Variants in TAFA5 observed in about 807,000 individuals in gnomAD.
TAFA5 encodes chemokine-like protein TAFA-5.
TAFA5 carries 6 observed loss-of-function variants against 15.3 expected under a neutral mutation model. That is an observed-to-expected ratio of 0.39 (90% CI 0.21 to 0.77). TAFA5 has a LOEUF of 0.77. TAFA5 is among the 30% of genes least tolerant of loss of function. The pLI is 0.41. For missense variants in TAFA5, 161 were observed against 193.1 expected, an observed-to-expected ratio of 0.83 and a Z score of 0.98; for synonymous variants, 103 against 80.7, an observed-to-expected ratio of 1.28 and a Z score of -1.48.
At chr22:48,507,506 C>G (rs1232755346) in intron 1 of TAFA5, among the ~76,000 whole-genome samples, 1 of 152,214 alleles carries the variant, frequency 6.6e-6, no homozygotes, top group Non-Finnish European at 1.5e-5. Context: ...AGGAGCAGCC[C>G]TGAGGAATCT....
intron 3 of TAFA5, among the ~76,000 whole-genome samples, chr22:48,729,232 T>TATTTTATATTTATTTATAAATATATAATA (rs1442875635): frequency 0.035 from 4,167 of 118,574 alleles, 441 homozygotes; most frequent in East Asian, 0.23. Context: ...GGAACTAAAA[T>TATTTTATATTTATTTATAAATATATAATA]ATTTTATATT....
intron 1 of TAFA5, chr22:48,539,552 G>C: frequency 2.2e-6 from 1 of 459,432 alleles, no homozygotes; most frequent in South Asian, 1.6e-5. Flanking sequence ...CCCACTTTCT[G>C]TATTTTTTTA....
At chr22:48,691,546 G>A (rs560196390) in intron 2 of TAFA5, among the ~76,000 whole-genome samples, 3 of 152,350 alleles carry the variant, frequency 2.0e-5, no homozygotes, top group South Asian at 2.1e-4. Context: ...CGCGAGGAAC[G>A]CAGCCTGGAG....
At chr22:48,614,902 G>T (rs924155996) in intron 1 of TAFA5, among the ~76,000 whole-genome samples, 10 of 152,234 alleles carry the variant, frequency 6.6e-5, no homozygotes, top group African/African-American at 2.4e-4. Flanking sequence ...CGGGCATGGG[G>T]TCAGCAGAGC....
At chr22:48,586,222 G>T (rs549986992) in intron 1 of TAFA5, among the ~76,000 whole-genome samples, 1 of 152,276 alleles carries the variant, frequency 6.6e-6, no homozygotes, top group African/African-American at 2.4e-5. Context: ...GTGCAGCCAC[G>T]TGGCTCTCTT....
chr22:48,559,591 G>A (rs753478613), intron 1 of TAFA5, among the ~76,000 whole-genome samples: 5 of 152,126 alleles, frequency 3.3e-5, no homozygotes, highest in Non-Finnish European at 7.3e-5. Flanking sequence ...CCCTGTCACT[G>A]CAGCCGTCAC....
chr22:48,675,754 T>C (rs1927952099), intron 2 of TAFA5, among the ~76,000 whole-genome samples: 1 of 152,264 alleles, frequency 6.6e-6, no homozygotes, highest in Non-Finnish European at 1.5e-5. Context: ...GGCTGAGGCC[T>C]GAGGCCTCCT....
chr22:48,573,722 T>A (rs1245184428), intron 1 of TAFA5, among the ~76,000 whole-genome samples: 1 of 152,236 alleles, frequency 6.6e-6, no homozygotes, highest in African/African-American at 2.4e-5. Flanking sequence ...CCTCTATTTA[T>A]GAACTTTCTT....
intron 1 of TAFA5, among the ~76,000 whole-genome samples, chr22:48,627,373 C>T (rs905536254): frequency 6.6e-6 from 1 of 152,204 alleles, no homozygotes; most frequent in African/African-American, 2.4e-5. Flanking sequence ...GCGGGGGAGG[C>T]AGCCCCACAG....
At chr22:48,616,637 G>A (rs539288006) in intron 1 of TAFA5, among the ~76,000 whole-genome samples, 4 of 151,192 alleles carry the variant, frequency 2.6e-5, no homozygotes, top group South Asian at 2.1e-4. Flanking sequence ...CGCTGAGGCC[G>A]GATGGGCTGC....
intron 1 of TAFA5, among the ~76,000 whole-genome samples, chr22:48,572,022 C>A (rs553784069): frequency 3.9e-5 from 6 of 152,218 alleles, no homozygotes; most frequent in African/African-American, 1.4e-4. Flanking sequence ...CCTTGGGAGC[C>A]TGGTTTTCTC....
At chr22:48,747,923 C>T (rs889457510) in intron 3 of TAFA5, among the ~76,000 whole-genome samples, 10 of 148,968 alleles carry the variant, frequency 6.7e-5, no homozygotes, top group Non-Finnish European at 1.2e-4. Context: ...AAAAGAATAG[C>T]GTGTTCCTTC....
intron 3 of TAFA5, among the ~76,000 whole-genome samples, chr22:48,724,173 G>A (rs1929651008): frequency 6.6e-6 from 1 of 152,148 alleles, no homozygotes; most frequent in Non-Finnish European, 1.5e-5. Flanking sequence ...AAGCAGGAGA[G>A]ACTCGGGGTT....
At chr22:48,679,781 T>C (rs71314874) in intron 2 of TAFA5, among the ~76,000 whole-genome samples, 16,000 of 123,952 alleles carry the variant, frequency 0.13, 1,502 homozygotes, top group South Asian at 0.23. Flanking sequence ...CCCGGCTCCC[T>C]GTCCATCCCT....
chr22:48,659,724 C>A (rs1026600220), intron 2 of TAFA5, among the ~76,000 whole-genome samples: 3 of 149,146 alleles, frequency 2.0e-5, no homozygotes, highest in African/African-American at 7.5e-5. Flanking sequence ...GCTGGGAAGG[C>A]CTCCGTCCCT....
At chr22:48,709,688 AC>A (rs34498654) in intron 3 of TAFA5, among the ~76,000 whole-genome samples, 2 of 152,288 alleles carry the variant, frequency 1.3e-5, no homozygotes, top group South Asian at 4.2e-4. Context: ...TTCAGGCTGC[AC>A]CCCTTCAGGA....
Position 48,662,864 on chromosome 22 carries a change from C to T in TAFA5, c.262+16118C>T, listed in dbSNP as rs534865078. Among the ~76,000 whole-genome samples, 285 of 152,342 alleles carry T rather than the reference C, an allele frequency of 1.9e-3. 2 individuals are homozygous for T. The highest frequency in any genetic ancestry group is 7.2e-3 in the Admixed American group (110 of 15,312). On this transcript the variant is annotated intron_variant, in intron 2 of 3. Coordinates refer to ENST00000402357, the MANE Select transcript of TAFA5 (RefSeq NM_001082967.3). ...GTCGCAGCTGCAATGGTGGCCTCCC[C>T]CAATCCTTGCCCTCCCTATGAGGCT...
chr22:48,743,768 C>T (rs781650770), intron 3 of TAFA5, among the ~76,000 whole-genome samples: 3 of 152,244 alleles, frequency 2.0e-5, no homozygotes, highest in Non-Finnish European at 4.4e-5. Flanking sequence ...GGAAAGAACC[C>T]TGCCTGCATT....
At position 48,552,080 on chromosome 22, in the gene TAFA5, C is replaced by G. The variant is rs1379235762; in HGVS notation, c.112+62376C>G. 6.6e-6 allele frequency among the ~76,000 whole-genome samples: 1 copy of G among 152,248 alleles called. No individual in the cohort carries two copies. The highest frequency in any genetic ancestry group is 1.5e-5 in the Non-Finnish European group (1 of 68,044). The stretch of plus-strand genomic sequence containing the variant: ...CCTCCAGTGCTCCCTCTGCTGTGCT[C>G]TGTCACTGTGGCTGTGTGGCTGCAG... On this transcript the variant is annotated intron_variant, in intron 1 of 3. Transcript: ENST00000402357. This position sits in a 1 kb window ranked among gnomAD's most constrained non-coding sequence, Gnocchi z 4.1.
Sources: allele counts gnomAD v4.1 joint callset (sites outside exome capture counted in the v4.1 genomes callset), GRCh38; gene constraint gnomAD v4.1.1; non-coding constraint Gnocchi (gnomAD v3.1); transcripts MANE v1.5; gene names NCBI Gene and HGNC (gene_info 2026-07-23, HGNC 2026-07-21).